The following ITGA2 variants were observed in gnomAD, a reference collection of about 807,000 sequenced individuals.
ITGA2 encodes integrin alpha-2.
Under a neutral mutation model 146.3 loss-of-function variants are expected in ITGA2, and 101 were observed. The ratio of observed to expected loss-of-function variants is 0.69; its 90% confidence interval spans 0.59 to 0.81. ITGA2 has a LOEUF of 0.81. Among genes scored for constraint, ITGA2 ranks in the 40% least tolerant of loss-of-function variants. The pLI is 0.00. For missense variants in ITGA2, 1,281 were observed against 1,402.7 expected, an observed-to-expected ratio of 0.91 and a Z score of 1.39; for synonymous variants, 477 against 487.1, an observed-to-expected ratio of 0.98 and a Z score of 0.27.
Position 53,042,189 on chromosome 5 carries a change from C to T in ITGA2, c.263C>T (p.Ser88Phe), listed in dbSNP as rs1214031471. ...GDVYKCPVDL[S>F]TATCEKLNLQ... Reference sequence around the variant, plus strand: ...GTGTATAAATGTCCTGTTGACCTATCCACTGCCACATGTGAAAAACTAAAT... The same window carrying T: ...GTGTATAAATGTCCTGTTGACCTATTCACTGCCACATGTGAAAAACTAAAT... The change falls in exon 3 of 30, where the codon TCC becomes TTC. Residue 88 changes from serine (S) to phenylalanine (F), a missense_variant. Physicochemically the swap from Ser to Phe is radical, Grantham distance 155 (BLOSUM62 -2). This residue lies in a region of ITGA2 where 795 missense variants were observed against 841.7 expected (regional missense o/e 0.94). Coordinates refer to ENST00000296585, the MANE Select transcript of ITGA2 (RefSeq NM_002203.4). 2 of 1,612,618 alleles carry T rather than the reference C, an allele frequency of 1.2e-6. No homozygotes were observed. Among genetic ancestry groups the T allele is most frequent in the Non-Finnish European group, 1.7e-6 (2 of 1,178,812 alleles).
chr5:53,090,020 T>C lies in ITGA2; in HGVS notation c.3423T>C (p.Ala1141=), dbSNP rs1740335925. Residue 1141 remains alanine (A), a synonymous_variant, in exon 29 of 30, where the codon GCT becomes GCC. Coordinates refer to ENST00000296585, the MANE Select transcript of ITGA2 (RefSeq NM_002203.4). The part of the protein sequence containing the change: ...PTGVIIGSII[A]GILLLLALVA... ...GAGTTATAATAGGAAGTATAATTGC[T>C]GGAATCCTTTTGCTGTTAGCTCTGG... 9 of 1,613,402 alleles carry C rather than the reference T, an allele frequency of 5.6e-6. No individual in the cohort carries two copies. The highest frequency in any genetic ancestry group is 7.6e-6 in the Non-Finnish European group (9 of 1,179,344).
intron 9 of ITGA2, among the ~76,000 whole-genome samples, chr5:53,057,346 C>A (rs1318629662): frequency 6.6e-6 from 1 of 151,922 alleles, no homozygotes; most frequent in Non-Finnish European, 1.5e-5. Context: ...AAGTGTGAGT[C>A]CAGTAATTTA....
At chr5:53,060,165 G>A (rs373451689) in intron 11 of ITGA2, among the ~76,000 whole-genome samples, 153 bp downstream of exon 11, 3 of 151,728 alleles carry the variant, frequency 2.0e-5, no homozygotes, top group African/African-American at 4.8e-5. Flanking sequence ...TTTGCCAATC[G>A]GGCCTTAAGG....
At chr5:53,029,557 C>A (rs1218146143) in intron 2 of ITGA2, among the ~76,000 whole-genome samples, 2 of 152,198 alleles carry the variant, frequency 1.3e-5, no homozygotes, top group Non-Finnish European at 2.9e-5. Flanking sequence ...TCCTCATAGA[C>A]CTTTCAGAGC....
intron 13 of ITGA2, among the ~76,000 whole-genome samples, chr5:53,063,251 A>G (rs1744983411): frequency 6.6e-6 from 1 of 151,924 alleles, no homozygotes; most frequent in South Asian, 2.1e-4. Context: ...GTATTTCTCT[A>G]GTATCACATG....
intron 23 of ITGA2, among the ~76,000 whole-genome samples, chr5:53,077,142 T>G (rs1745697977): frequency 6.6e-6 from 1 of 152,126 alleles, no homozygotes; most frequent in African/African-American, 2.4e-5. Context: ...AGTTTTCATA[T>G]GAGGACATAC....
intron 1 of ITGA2, among the ~76,000 whole-genome samples, chr5:52,992,481 C>A (rs1427385182): frequency 2.6e-5 from 4 of 152,100 alleles, no homozygotes; most frequent in Non-Finnish European, 5.9e-5. Context: ...ACGTGTCCTC[C>A]AGAATTTTCT....
At chr5:53,042,086 G>A (rs754312638) in intron 2 of ITGA2, 26 bp from the exon 3 acceptor site, 1 of 1,325,694 alleles carries the variant, frequency 7.5e-7, no homozygotes, top group South Asian at 1.2e-5. Flanking sequence ...AACACTTTGT[G>A]TCTAATAAAA....
intron 2 of ITGA2, among the ~76,000 whole-genome samples, chr5:53,039,423 T>C (rs1404251653): frequency 1.3e-5 from 2 of 152,088 alleles, no homozygotes; most frequent in Non-Finnish European, 2.9e-5. Flanking sequence ...ACTTGGTTGA[T>C]TTGTTTTTTT....
In ITGA2 at chr5:53,078,793, T is replaced by C; in HGVS notation, c.2847T>C (p.Tyr949=). 1.2e-6 allele frequency: 2 copies of C among 1,608,444 alleles called. No homozygotes were observed. The highest frequency in any genetic ancestry group is 1.1e-5 in the South Asian group (1 of 90,932). ...HLTRSTNINF[Y]EISSDGNVPS... Reference sequence around the variant, plus strand: ...ACAGATCTACCAACATAAATTTTTATGAAATCTCTTCGGATGGGAATGTTC... The same window carrying C: ...ACAGATCTACCAACATAAATTTTTACGAAATCTCTTCGGATGGGAATGTTC... Residue 949 remains tyrosine (Y), a synonymous_variant, in exon 24 of 30, where the codon TAT becomes TAC. Coordinates refer to ENST00000296585, the MANE Select transcript of ITGA2 (RefSeq NM_002203.4).
chr5:53,070,307 CGA>C (rs776825160), intron 17 of ITGA2, 47 bp downstream of exon 17: 16 of 1,601,580 alleles, frequency 1.0e-5, no homozygotes, highest in African/African-American at 1.3e-5. Flanking sequence ...TTCCTAAAGA[CGA>C]GAGAGTGGTA....
intron 17 of ITGA2, among the ~76,000 whole-genome samples, chr5:53,070,493 A>G (rs1745337537): frequency 6.6e-6 from 1 of 151,994 alleles, no homozygotes; most frequent in Admixed American, 6.6e-5. Context: ...TGAAAGGGCT[A>G]AAAATACAAT....
rs529576249 is a variant in ITGA2, at chr5:53,072,138, C to T, written c.2346+90C>T. 4.7e-5 allele frequency: 42 copies of T among 899,306 alleles called. 1 individual carries two copies. The Admixed American group carries it at 8.2e-4, about 18-fold the overall frequency. The allele number at this position is 899,306 out of a possible 1,614,324, so 55.7% of individuals were successfully genotyped here. On this transcript the variant is annotated intron_variant, in intron 18 of 29. Transcript: ENST00000296585. ...TGTCTGAAGGATGGTTAGGATGCAG[C>T]CTGAAAATTCTTAATTTTCTAAATG...
intron 1 of ITGA2, among the ~76,000 whole-genome samples, chr5:53,023,183 T>G (rs1474903608): frequency 1.3e-5 from 2 of 152,254 alleles, no homozygotes; most frequent in East Asian, 1.9e-4. Flanking sequence ...CCAAGTCAGT[T>G]GAAGACTCAC....
chr5:53,035,966 G>GCATC (rs1743472171), intron 2 of ITGA2, among the ~76,000 whole-genome samples: 2 of 152,040 alleles, frequency 1.3e-5, no homozygotes, highest in Non-Finnish European at 2.9e-5. Context: ...TCTACTGACA[G>GCATC]CATCCCCTTT....
rs539116794 is a variant in ITGA2, at chr5:53,001,404, T to A, written c.64+11872T>A. Reference sequence around the variant, plus strand: ...CCCAGACAATTCATTCAAGGGCTGCTTTACTTACGGTTCACATGTCATGTA... The same window carrying A: ...CCCAGACAATTCATTCAAGGGCTGCATTACTTACGGTTCACATGTCATGTA... On this transcript the variant is annotated intron_variant, in intron 1 of 29. Transcript: ENST00000296585. Among the ~76,000 whole-genome samples the A allele has an allele frequency of 2.0e-5, 3 of 152,298 alleles. No homozygotes were observed. The East Asian group carries it at 5.8e-4, about 29-fold the overall frequency.
chr5:53,015,388 A>G (rs1742352837), intron 1 of ITGA2, among the ~76,000 whole-genome samples: 2 of 152,198 alleles, frequency 1.3e-5, no homozygotes, highest in East Asian at 1.9e-4. Flanking sequence ...TTTACTTTAG[A>G]TGCAATTATT....
chr5:53,026,877 A>C lies in ITGA2; in HGVS notation c.185+9A>C, dbSNP rs776138565. On this transcript the variant is annotated intron_variant, in intron 2 of 29. Transcript: ENST00000296585. Reference sequence around the variant, plus strand: ...AATCCAAAAGGCAACTGGTAAGAATATTCTCTTCTTTATGATTTCAGTAAA... The same window carrying C: ...AATCCAAAAGGCAACTGGTAAGAATCTTCTCTTCTTTATGATTTCAGTAAA... The C allele has an allele frequency of 6.2e-7, 1 of 1,608,762 alleles. No individual in the cohort carries two copies. The highest frequency in any genetic ancestry group is 1.3e-5 in the African/African-American group (1 of 74,954).
At chr5:53,024,315 A>G (rs1420118315) in intron 1 of ITGA2, among the ~76,000 whole-genome samples, 1 of 152,232 alleles carries the variant, frequency 6.6e-6, no homozygotes, top group Non-Finnish European at 1.5e-5. Flanking sequence ...TAGAGGAAAA[A>G]TACTGGAAGG....
Sources: gnomAD v4.1 joint callset for allele counts (sites outside exome capture counted in the v4.1 genomes callset) on GRCh38, gnomAD v4.1.1 for gene constraint, gnomAD v4.1.1 regional missense constraint, MANE v1.5 for transcripts, NCBI Gene and HGNC (gene_info 2026-07-23, HGNC 2026-07-21) for gene names.